Variants in NKAIN2 observed in about 807,000 individuals in gnomAD.
The protein encoded by NKAIN2 is sodium/potassium transporting ATPase interacting 2, also known as sodium/potassium-transporting ATPase subunit beta-1-interacting protein 2.
NKAIN2 carries 14 observed loss-of-function variants against 32.6 expected under a neutral mutation model. The observed-to-expected ratio is 0.43, with a 90% CI of 0.28 to 0.67. NKAIN2 has a LOEUF of 0.67. Ranked by LOEUF, NKAIN2 falls within the 30% of genes least tolerant of loss-of-function variation. The probability of loss-of-function intolerance (pLI) is 0.17; values close to 1 mark genes in which losing one functional copy is unlikely to be tolerated. For synonymous variants in NKAIN2, 80 were observed against 87.2 expected (o/e 0.92, Z 0.46); for missense variants, 198 against 258.3 (o/e 0.77, Z 1.60).
intron 1 of NKAIN2, among the ~76,000 whole-genome samples, chr6:124,228,549 C>A (rs1792243539): frequency 6.6e-6 from 1 of 152,144 alleles, no homozygotes; most frequent in Non-Finnish European, 1.5e-5. Flanking sequence ...AGGGATTCAA[C>A]ACATGAATAT....
intron 1 of NKAIN2, among the ~76,000 whole-genome samples, chr6:124,188,213 G>T (rs1789842523): frequency 6.6e-6 from 1 of 152,178 alleles, no homozygotes; most frequent in Non-Finnish European, 1.5e-5. Context: ...AATCAGAGAA[G>T]TAAATTCAGT....
intron 4 of NKAIN2, among the ~76,000 whole-genome samples, chr6:124,747,806 T>C (rs1354562121): frequency 1.3e-5 from 2 of 151,812 alleles, no homozygotes; most frequent in Non-Finnish European, 2.9e-5. Flanking sequence ...TTATATTTTT[T>C]ATAATGTGCC....
At chr6:123,956,729 C>T (rs892837414) in intron 1 of NKAIN2, among the ~76,000 whole-genome samples, 4 of 152,122 alleles carry the variant, frequency 2.6e-5, no homozygotes, top group Admixed American at 6.5e-5. Flanking sequence ...TCGGAATTTC[C>T]TGGGAGTAAC....
chr6:124,207,995 C>T (rs1418916828), intron 1 of NKAIN2, among the ~76,000 whole-genome samples: 1 of 151,656 alleles, frequency 6.6e-6, no homozygotes, highest in Non-Finnish European at 1.5e-5. Context: ...TGGCTACTTG[C>T]TTTTGAAGAA....
chr6:124,109,257 T>G (rs1785257479), intron 1 of NKAIN2, among the ~76,000 whole-genome samples: 1 of 151,996 alleles, frequency 6.6e-6, no homozygotes, highest in African/African-American at 2.4e-5. Flanking sequence ...TAAACAAGTC[T>G]TTCACCTCCT....
chr6:124,443,721 C>T (rs1011068372), intron 3 of NKAIN2, among the ~76,000 whole-genome samples: 5 of 152,088 alleles, frequency 3.3e-5, no homozygotes, highest in Non-Finnish European at 7.4e-5. Context: ...TTACCCCACA[C>T]ATCAGGAAAC....
chr6:124,084,440 A>G (rs1473980987), intron 1 of NKAIN2, among the ~76,000 whole-genome samples: 2 of 152,032 alleles, frequency 1.3e-5, no homozygotes, highest in Non-Finnish European at 2.9e-5. Flanking sequence ...AGATTATACC[A>G]TCTAGGTTCA....
intron 3 of NKAIN2, among the ~76,000 whole-genome samples, chr6:124,571,659 T>C (rs1172782105): frequency 6.6e-6 from 1 of 152,122 alleles, no homozygotes; most frequent in Non-Finnish European, 1.5e-5. Context: ...TTCTTCCCAG[T>C]CTTGGGTATG....
intron 1 of NKAIN2, among the ~76,000 whole-genome samples, chr6:123,948,744 G>C (rs1292485600): frequency 4.0e-5 from 6 of 151,212 alleles, no homozygotes; most frequent in African/African-American, 1.5e-4. Flanking sequence ...TTGCTCTGCT[G>C]TGCAGAAGCT....
intron 3 of NKAIN2, among the ~76,000 whole-genome samples, chr6:124,355,958 A>G (rs1231845792): frequency 6.6e-6 from 1 of 152,174 alleles, no homozygotes; most frequent in Non-Finnish European, 1.5e-5. Flanking sequence ...TCAGATCTCG[A>G]ACACCATCAT....
intron 1 of NKAIN2, among the ~76,000 whole-genome samples, chr6:123,942,096 A>G (rs1776852512): frequency 6.6e-6 from 1 of 151,968 alleles, no homozygotes; most frequent in Admixed American, 6.6e-5. Flanking sequence ...TTTATTTTTT[A>G]CGTATTGCTG....
At chr6:123,998,757 G>C (rs868610403) in intron 1 of NKAIN2, among the ~76,000 whole-genome samples, 123 of 150,188 alleles carry the variant, frequency 8.2e-4, no homozygotes, top group African/African-American at 2.8e-3. Context: ...GTGTGTGTGT[G>C]TGTGTGTGTG....
chr6:124,778,922 A>T lies in NKAIN2; in HGVS notation c.475-12417A>T, dbSNP rs543301593. ...AACCGATGAACATTTACAAATGAGG[A>T]GAATTAATATATTTTTTGCTTCTCC... is the stretch of plus-strand genomic sequence containing the variant. On this transcript the variant is annotated intron_variant, in intron 4 of 6. Transcript: ENST00000368417. 5.3e-5 allele frequency among the ~76,000 whole-genome samples: 8 copies of T among 152,250 alleles called. No homozygotes were observed. In the South Asian group the frequency reaches 1.7e-3, roughly 32 times the overall value.
intron 1 of NKAIN2, among the ~76,000 whole-genome samples, chr6:124,229,678 C>T (rs916610578): frequency 1.3e-5 from 2 of 152,036 alleles, no homozygotes; most frequent in Non-Finnish European, 2.9e-5. Flanking sequence ...GGGTCTTTGC[C>T]ATGCTCTTCT....
chr6:124,146,922 C>A, intron 1 of NKAIN2, among the ~76,000 whole-genome samples: 1 of 152,190 alleles, frequency 6.6e-6, no homozygotes, highest in South Asian at 2.1e-4. Flanking sequence ...GGGGAGGAGG[C>A]GTGGAGGCTT....
chr6:123,896,765 T>A (rs1345462776), intron 1 of NKAIN2, among the ~76,000 whole-genome samples: 1 of 152,218 alleles, frequency 6.6e-6, no homozygotes, highest in Non-Finnish European at 1.5e-5. Context: ...TTCAGTTTCC[T>A]TTTGTAGGAT....
chr6:124,471,082 G>A (rs1271354105), intron 3 of NKAIN2, among the ~76,000 whole-genome samples: 1 of 152,108 alleles, frequency 6.6e-6, no homozygotes, highest in African/African-American at 2.4e-5. Context: ...TGCAAAGCCT[G>A]ATGTATTTAC....
At chr6:124,175,044 A>G (rs1789087381) in intron 1 of NKAIN2, among the ~76,000 whole-genome samples, 1 of 152,220 alleles carries the variant, frequency 6.6e-6, no homozygotes, top group Admixed American at 6.5e-5. Flanking sequence ...TTATTAAAAT[A>G]AGGCCATTTT....
chr6:124,239,352 C>T (rs188692151), intron 1 of NKAIN2, among the ~76,000 whole-genome samples: 90 of 152,192 alleles, frequency 5.9e-4, no homozygotes, highest in Admixed American at 2.2e-3. Flanking sequence ...AGGAAATTAA[C>T]AGCGATATTC....
Sources: gnomAD v4.1 joint callset for allele counts (sites outside exome capture counted in the v4.1 genomes callset) on GRCh38, gnomAD v4.1.1 for gene constraint, MANE v1.5 for transcripts, NCBI Gene and HGNC (gene_info 2026-07-23, HGNC 2026-07-21) for gene names.